The following EXTL3 variants were observed in gnomAD, a reference collection of about 807,000 sequenced individuals.
The protein encoded by EXTL3 is exostosin-like 3.
Under a neutral mutation model 69.3 loss-of-function variants are expected in EXTL3, and 27 were observed. The ratio of observed to expected loss-of-function variants is 0.39; its 90% CI spans 0.29 to 0.54. The LOEUF is 0.54. Ranked by LOEUF, EXTL3 falls within the 20% of genes least tolerant of loss-of-function variation. The probability of loss-of-function intolerance (pLI) is 0.69; values close to 1 mark genes in which losing one functional copy is unlikely to be tolerated. For missense variants in EXTL3, 1,003 were observed against 1,231.8 expected, an observed-to-expected ratio of 0.81 and a Z score of 2.78; for synonymous variants, 511 against 499.4, an observed-to-expected ratio of 1.02 and a Z score of -0.31.
chr8:28,736,593 A>G (rs370293165), intron 4 of EXTL3, among the ~76,000 whole-genome samples: 5 of 152,334 alleles, frequency 3.3e-5, no homozygotes, highest in African/African-American at 9.6e-5. Flanking sequence ...ACTTCTCATC[A>G]TACATGTTTC....
At chr8:28,736,678 C>G (rs1398062304) in intron 4 of EXTL3, among the ~76,000 whole-genome samples, 1 of 152,214 alleles carries the variant, frequency 6.6e-6, no homozygotes, top group African/African-American at 2.4e-5. Context: ...CCAGTGCTCT[C>G]TAAACCTTTT....
intron 1 of EXTL3, among the ~76,000 whole-genome samples, chr8:28,670,961 A>G (rs1807276144): frequency 7.3e-6 from 1 of 136,640 alleles, no homozygotes; most frequent in South Asian, 2.4e-4. Context: ...TGATAGCACC[A>G]TAGCTTCTGT....
At chr8:28,676,390 G>A (rs138438331) in intron 1 of EXTL3, among the ~76,000 whole-genome samples, 4 of 152,328 alleles carry the variant, frequency 2.6e-5, no homozygotes, top group Non-Finnish European at 5.9e-5. Flanking sequence ...AGTGGGTGTA[G>A]CTGGATCCCA....
At chr8:28,699,030 C>T (rs896834198), upstream of EXTL3, among the ~76,000 whole-genome samples, 2 of 151,960 alleles carry the variant, frequency 1.3e-5, no homozygotes, top group Non-Finnish European at 2.9e-5. Context: ...AAATTAGGCA[C>T]AGTGGAAGGG....
intron 5 of EXTL3, among the ~76,000 whole-genome samples, chr8:28,738,523 T>C (rs1442694910): frequency 6.6e-6 from 1 of 152,218 alleles, no homozygotes; most frequent in Non-Finnish European, 1.5e-5. Flanking sequence ...GTATGTGGTT[T>C]GCCTTCTGTG....
intron 1 of EXTL3, among the ~76,000 whole-genome samples, chr8:28,652,709 T>G (rs952709858): frequency 6.6e-6 from 1 of 152,014 alleles, no homozygotes; most frequent in Non-Finnish European, 1.5e-5. Context: ...ATAGCCATCT[T>G]AGGTGTGAAA....
At chr8:28,713,237 G>A (rs1801067399) in intron 1 of EXTL3, among the ~76,000 whole-genome samples, 2 of 152,112 alleles carry the variant, frequency 1.3e-5, no homozygotes, top group African/African-American at 4.8e-5. Context: ...CAGAGTCCCC[G>A]TGTATACCTC....
At chr8:28,639,400 C>T (rs955698488) in intron 1 of EXTL3, among the ~76,000 whole-genome samples, 2 of 152,202 alleles carry the variant, frequency 1.3e-5, no homozygotes, top group African/African-American at 4.8e-5. Flanking sequence ...TCAGGTTCTG[C>T]TGCTCTGCAG....
chr8:28,669,827 G>A (rs1585241623), intron 1 of EXTL3, among the ~76,000 whole-genome samples: 1 of 152,098 alleles, frequency 6.6e-6, no homozygotes, highest in Non-Finnish European at 1.5e-5. Context: ...TCACTCCCAG[G>A]GCTGATGGCA....
Position 28,715,930 on chromosome 8 carries a change from T to C in EXTL3, c.-130T>C. 1 of 699,684 alleles carries C rather than the reference T, an allele frequency of 1.4e-6. No individual in the cohort carries two copies. Among genetic ancestry groups the C allele is most frequent in the Non-Finnish European group, 2.4e-6 (1 of 417,158 alleles). 43.3% of individuals were successfully genotyped at this position (699,684 alleles called of 1,614,324 possible). On this transcript the variant is annotated 5_prime_UTR_variant, in exon 3 of 7. Coordinates refer to ENST00000220562, the MANE Select transcript of EXTL3 (RefSeq NM_001440.4). ...AAAATGAAATGTTCATTTTATTTGG[T>C]GCCTTGTCTGGGGAGCACACTAACT...
At chr8:28,720,091 C>T (rs1801263842) in intron 3 of EXTL3, among the ~76,000 whole-genome samples, 1 of 151,942 alleles carries the variant, frequency 6.6e-6, no homozygotes, top group Admixed American at 6.6e-5. Flanking sequence ...TCACTCCATC[C>T]TGTAAATATT....
At chr8:28,678,581 A>G (rs1420679310) in intron 1 of EXTL3, among the ~76,000 whole-genome samples, 1 of 152,138 alleles carries the variant, frequency 6.6e-6, no homozygotes, top group Admixed American at 6.5e-5. Context: ...GAGTGAAAGC[A>G]GCCTGAGACC....
rs71549699 is a variant in EXTL3 at position 28,754,033 on chromosome 8, CGTGTGTGTGTGTGTGT to C, written c.*3180_*3195del. 2.1e-5 allele frequency: 3 copies of C among 142,266 alleles called. No homozygotes were observed. Among genetic ancestry groups the C allele is most frequent in the African/African-American group, 7.5e-5 (3 of 39,880 alleles). 8.8% of individuals were successfully genotyped at this position (142,266 alleles called of 1,614,324 possible). On this transcript the variant is annotated 3_prime_UTR_variant, in exon 7 of 7. Coordinates refer to ENST00000220562, the MANE Select transcript of EXTL3 (RefSeq NM_001440.4). ...AATTTTTTCATGGGAATTTAAAATG[CGTGTGTGTGTGTGTGT>C]GTGTGTGTGTGTAGTGGTTGTGGGG...
chr8:28,715,154 C>G (rs1241962312), intron 2 of EXTL3, among the ~76,000 whole-genome samples: 1 of 152,016 alleles, frequency 6.6e-6, no homozygotes, highest in Non-Finnish European at 1.5e-5. Flanking sequence ...AAAGTATTTC[C>G]AAAGAAGACT....
intron 1 of EXTL3, among the ~76,000 whole-genome samples, chr8:28,653,909 A>G (rs1349044124): frequency 1.3e-5 from 2 of 151,998 alleles, no homozygotes; most frequent in South Asian, 4.1e-4. Context: ...GGGATTTTTC[A>G]TTTCTGCAAA....
intron 1 of EXTL3, among the ~76,000 whole-genome samples, chr8:28,706,664 C>G (rs1800929180): frequency 6.6e-6 from 1 of 152,268 alleles, no homozygotes; most frequent in South Asian, 2.1e-4. Flanking sequence ...ATCACAGTAT[C>G]TTGTTTGAAA....
chr8:28,681,964 C>A (rs1338342007), intron 1 of EXTL3, among the ~76,000 whole-genome samples: 1 of 152,216 alleles, frequency 6.6e-6, no homozygotes, highest in East Asian at 1.9e-4. Flanking sequence ...GAGGCTGAGG[C>A]AGGAGAATCG....
upstream of EXTL3, chr8:28,700,264 G>A (rs1338942721): frequency 6.6e-6 from 1 of 152,296 alleles, no homozygotes; most frequent in Non-Finnish European, 1.5e-5. Context: ...AATAGGAGAC[G>A]GGAGAGCAAG....
At chr8:28,673,654 T>C (rs1053944284) in intron 1 of EXTL3, among the ~76,000 whole-genome samples, 1 of 152,160 alleles carries the variant, frequency 6.6e-6, no homozygotes, top group Non-Finnish European at 1.5e-5. Flanking sequence ...AATCAATCCC[T>C]CTCTCTTTTT....
Sources: gnomAD v4.1 joint callset for allele counts (sites outside exome capture counted in the v4.1 genomes callset) on GRCh38, gnomAD v4.1.1 for gene constraint, MANE v1.5 for transcripts, NCBI Gene and HGNC (gene_info 2026-07-23, HGNC 2026-07-21) for gene names.